The following ASPRV1 variants were observed in gnomAD, a reference collection of about 807,000 sequenced individuals.
The protein encoded by ASPRV1 is retroviral-like aspartic protease 1.
In ASPRV1, 7 loss-of-function variants were observed where a neutral mutation model predicts 11.0. The observed-to-expected ratio is 0.64, with a 90% confidence interval of 0.36 to 1.20. ASPRV1 has a LOEUF of 1.20. Among genes scored for constraint, ASPRV1 ranks in the 50% most tolerant of loss-of-function variants. ASPRV1 has a pLI of 0.02. For synonymous variants in ASPRV1, 136 were observed against 138.4 expected (o/e 0.98, Z 0.12); for missense variants, 299 against 320.0 (o/e 0.93, Z 0.50).
chr2:70,016,325 A>G, the ASPRV1 span: 1 of 152,224 alleles, frequency 6.6e-6, no homozygotes, highest in Non-Finnish European at 1.5e-5. Flanking sequence ...AGACAAGGAC[A>G]CTACAAGAAA....
At chr2:70,027,439 A>AT in the ASPRV1 span, among the ~76,000 whole-genome samples, 1 of 152,106 alleles carries the variant, frequency 6.6e-6, no homozygotes, top group Non-Finnish European at 1.5e-5. Context: ...TATTAAAGAG[A>AT]TATCTGCACT....
the ASPRV1 span, chr2:70,063,889 T>A: frequency 6.6e-6 from 1 of 152,338 alleles, no homozygotes; most frequent in Non-Finnish European, 1.5e-5. Flanking sequence ...TGTTCCTTCT[T>A]ACACTCTACT....
Position 69,960,730 on chromosome 2 carries a change from T to C in ASPRV1, c.707A>G (p.Glu236Gly), listed in dbSNP as rs1460800700. 1.9e-6 allele frequency: 3 copies of C among 1,614,008 alleles called. No homozygotes were observed. In the African/African-American group the frequency reaches 4.0e-5, roughly 22 times the overall value. Residue 236 changes from glutamate to glycine, a missense_variant, in exon 1 of 1, where the codon GAA becomes GGA. Glu to Gly is a moderately conservative substitution (Grantham distance 98, BLOSUM62 -2). Transcript: ENST00000320256. ...TATGAGCTCCAGGTCAAACTCATCT[T>C]CCAGGGACCCTCCCACAGGCAGAAG... Reference protein sequence around the residue: ...FRLLPVGGSLEDEFDLELIEE... With the variant: ...FRLLPVGGSLGDEFDLELIEE...
the ASPRV1 span, among the ~76,000 whole-genome samples, chr2:70,032,798 G>C: frequency 3.9e-5 from 6 of 152,142 alleles, no homozygotes; most frequent in African/African-American, 1.4e-4. Flanking sequence ...GCAGCTCTCC[G>C]ACTTTTTTAA....
At chr2:69,987,905 C>T in the ASPRV1 span, among the ~76,000 whole-genome samples, 7 of 152,176 alleles carry the variant, frequency 4.6e-5, no homozygotes, top group Admixed American at 2.0e-4. Context: ...GAGGCCAAGG[C>T]CTCCCATTCA....
At chr2:70,027,853 G>A in the ASPRV1 span, among the ~76,000 whole-genome samples, 1 of 152,110 alleles carries the variant, frequency 6.6e-6, no homozygotes, top group Non-Finnish European at 1.5e-5. Flanking sequence ...CCAACACAAA[G>A]GAATGACAAG....
the ASPRV1 span, among the ~76,000 whole-genome samples, chr2:70,075,780 C>T: frequency 5.6e-4 from 85 of 151,670 alleles, 1 homozygote; most frequent in East Asian, 0.015. Flanking sequence ...ACCCGGGAGG[C>T]GGAGGTTGCG....
the ASPRV1 span, among the ~76,000 whole-genome samples, chr2:70,024,676 T>C: frequency 2.0e-5 from 3 of 152,158 alleles, no homozygotes; most frequent in Non-Finnish European, 4.4e-5. Flanking sequence ...CCTCCCCTAT[T>C]TTCTGTTGGA....
the ASPRV1 span, among the ~76,000 whole-genome samples, chr2:70,062,038 A>G: frequency 6.6e-6 from 1 of 151,972 alleles, no homozygotes; most frequent in Non-Finnish European, 1.5e-5. Flanking sequence ...CTGTAATCCC[A>G]GCACTGTGGG....
the ASPRV1 span, among the ~76,000 whole-genome samples, chr2:69,949,484 A>G: frequency 0.3 from 46,166 of 151,974 alleles, 11,864 homozygotes; most frequent in African/African-American, 0.67. Context: ...CACAGAAAAT[A>G]CCCGGGTTTT....
At chr2:70,007,982 C>T in the ASPRV1 span, among the ~76,000 whole-genome samples, 21 of 151,978 alleles carry the variant, frequency 1.4e-4, no homozygotes, top group African/African-American at 4.8e-4. Context: ...ACTACAGGTA[C>T]GCTCCATCAC....
chr2:69,942,137 C>T, the ASPRV1 span: 1 of 152,184 alleles, frequency 6.6e-6, no homozygotes, highest in African/African-American at 2.4e-5. Flanking sequence ...TCTTGCATGT[C>T]AATCTATTCT....
the ASPRV1 span, among the ~76,000 whole-genome samples, chr2:70,043,477 G>C: frequency 6.6e-6 from 1 of 152,266 alleles, no homozygotes; most frequent in African/African-American, 2.4e-5. Context: ...GCAGCTTCTG[G>C]ATCAGCTCTT....
At chr2:70,056,604 C>CAAAAAAAAAAAAAAAAAA in the ASPRV1 span, 3 of 75,696 alleles carry the variant, frequency 4.0e-5, no homozygotes, top group African/African-American at 2.4e-4. Flanking sequence ...GACTCCGTCT[C>CAAAAAAAAAAAAAAAAAA]AAAAAAAAAA....
At chr2:70,059,032 C>T in the ASPRV1 span, among the ~76,000 whole-genome samples, 2 of 150,510 alleles carry the variant, frequency 1.3e-5, no homozygotes, top group Non-Finnish European at 3.0e-5. Flanking sequence ...GGACTACAGG[C>T]GCCCGCCACT....
At chr2:69,957,548 G>T (rs1438751900), downstream of ASPRV1, among the ~76,000 whole-genome samples, 2 of 151,456 alleles carry the variant, frequency 1.3e-5, no homozygotes, top group Non-Finnish European at 2.9e-5. Context: ...TTAACTAGAG[G>T]TATTAGAATG....
At chr2:70,013,905 A>C in the ASPRV1 span, among the ~76,000 whole-genome samples, 6 of 151,550 alleles carry the variant, frequency 4.0e-5, no homozygotes, top group South Asian at 4.1e-4. Context: ...AACAAACAAA[A>C]AAACAGTATG....
At chr2:70,041,691 T>C in the ASPRV1 span, among the ~76,000 whole-genome samples, 1 of 152,180 alleles carries the variant, frequency 6.6e-6, no homozygotes, top group Non-Finnish European at 1.5e-5. Context: ...TCAGGAGCAC[T>C]CTAGAGAAAT....
the ASPRV1 span, among the ~76,000 whole-genome samples, chr2:70,008,327 T>C: frequency 6.6e-6 from 1 of 152,220 alleles, no homozygotes; most frequent in Admixed American, 6.5e-5. Flanking sequence ...AATCAAATTT[T>C]AGTCTATAAC....
Sources: allele counts gnomAD v4.1 joint callset (sites outside exome capture counted in the v4.1 genomes callset), GRCh38; gene constraint gnomAD v4.1.1; transcripts MANE v1.5; gene names NCBI Gene and HGNC (gene_info 2026-07-23, HGNC 2026-07-21).